Variants in VPS13B observed in about 807,000 individuals in gnomAD.
VPS13B encodes vacuolar protein sorting 13 homolog B.
Under a neutral mutation model 426.4 loss-of-function variants are expected in VPS13B, and 285 were observed. The observed-to-expected ratio is 0.67, with a 90% confidence interval of 0.61 to 0.74. VPS13B has a LOEUF of 0.74. VPS13B is among the 30% of genes least tolerant of loss of function. The probability of loss-of-function intolerance (pLI) is 0.00; values close to 1 mark genes in which losing one functional copy is unlikely to be tolerated. For missense variants in VPS13B, 4,537 were observed against 4,782.6 expected, an observed-to-expected ratio of 0.95 and a Z score of 1.51; for synonymous variants, 1,676 against 1,676.4, an observed-to-expected ratio of 1.00 and a Z score of 0.01.
chr8:99,735,858 G>A (rs1221728299), intron 39 of VPS13B, among the ~76,000 whole-genome samples: 1 of 152,098 alleles, frequency 6.6e-6, no homozygotes, highest in Non-Finnish European at 1.5e-5. Context: ...GGTGGAAAAC[G>A]CTGCGAATTT....
chr8:99,376,467 T>G (rs1172426318), intron 19 of VPS13B, among the ~76,000 whole-genome samples: 5 of 152,214 alleles, frequency 3.3e-5, no homozygotes, highest in African/African-American at 1.2e-4. Context: ...GAGGTCGTTT[T>G]TGGTATAATG....
rs776139646 is a variant in VPS13B, at chr8:99,121,220, G to T, written c.981G>T (p.Gln327His). Reference sequence around the variant, plus strand: ...GAATAGATATGCAATATCCTGCTCAGCATAAAGGTCAAGAGTTATATTCAC... The same window carrying T: ...GAATAGATATGCAATATCCTGCTCATCATAAAGGTCAAGAGTTATATTCAC... The part of the protein sequence containing the change: ...ETRIDMQYPA[Q>H]HKGQELYSQQ... The change falls in exon 8 of 62, where the codon CAG becomes CAT. Residue 327 changes from glutamine to histidine, a missense_variant. By Grantham distance (24) the Gln-to-His change is conservative (BLOSUM62 0). Transcript: ENST00000357162. 1 of 1,614,018 alleles carries T rather than the reference G, an allele frequency of 6.2e-7. No individual in the cohort carries two copies. Among genetic ancestry groups the T allele is most frequent in the Non-Finnish European group, 8.5e-7 (1 of 1,179,968 alleles).
intron 3 of VPS13B, among the ~76,000 whole-genome samples, chr8:99,044,650 C>T (rs1843126156): frequency 6.6e-6 from 1 of 151,972 alleles, no homozygotes; most frequent in Admixed American, 6.6e-5. Context: ...TTACCTCTTT[C>T]CCCCAAGTCC....
chr8:99,368,489 A>G (rs933020834), intron 19 of VPS13B, among the ~76,000 whole-genome samples: 1 of 152,152 alleles, frequency 6.6e-6, no homozygotes, highest in African/African-American at 2.4e-5. Flanking sequence ...TGATTGTACC[A>G]TTGTATCCTC....
chr8:99,278,576 T>C, intron 19 of VPS13B, among the ~76,000 whole-genome samples: 1 of 152,174 alleles, frequency 6.6e-6, no homozygotes, highest in East Asian at 1.9e-4. Flanking sequence ...AGCAAGTCAG[T>C]CTTTGAACTA....
At chr8:99,122,388 G>T (rs1847991867) in intron 8 of VPS13B, among the ~76,000 whole-genome samples, 1 of 151,864 alleles carries the variant, frequency 6.6e-6, no homozygotes, top group African/African-American at 2.4e-5. Flanking sequence ...CTAGGTTAAA[G>T]AATAATAAAG....
intron 21 of VPS13B, among the ~76,000 whole-genome samples, chr8:99,393,919 T>TA (rs552546283): frequency 1.3e-4 from 20 of 152,148 alleles, no homozygotes; most frequent in Admixed American, 2.6e-4. Context: ...TATGATTTCT[T>TA]AGAGTGAGTA....
intron 20 of VPS13B, 141 bp from the exon 21 acceptor site, chr8:99,391,416 G>T (rs1814441422): frequency 3.8e-6 from 5 of 1,304,688 alleles, no homozygotes; most frequent in Non-Finnish European, 5.3e-6. Context: ...GAGGGAGGGA[G>T]AGATTGATTG....
chr8:99,609,524 A>T (rs1193205571), intron 33 of VPS13B, among the ~76,000 whole-genome samples: 1 of 152,112 alleles, frequency 6.6e-6, no homozygotes, highest in Non-Finnish European at 1.5e-5. Context: ...AATTTGGAGG[A>T]ACTGTAGTTT....
intron 19 of VPS13B, among the ~76,000 whole-genome samples, chr8:99,306,063 C>T (rs747243575): frequency 3.9e-5 from 6 of 152,002 alleles, no homozygotes; most frequent in South Asian, 2.1e-4. Flanking sequence ...TTATGTTTGG[C>T]GCATTGGTTG....
chr8:99,146,557 T>C (rs1810737079), intron 13 of VPS13B, among the ~76,000 whole-genome samples: 1 of 152,204 alleles, frequency 6.6e-6, no homozygotes, highest in Non-Finnish European at 1.5e-5. Flanking sequence ...TCTAATGGAA[T>C]ATTGGGTTGG....
intron 12 of VPS13B, among the ~76,000 whole-genome samples, chr8:99,137,836 T>C (rs920208989): frequency 6.6e-6 from 1 of 152,224 alleles, no homozygotes; most frequent in African/African-American, 2.4e-5. Flanking sequence ...ATCCAATGCA[T>C]ACTTGACGTT....
intron 33 of VPS13B, among the ~76,000 whole-genome samples, chr8:99,607,080 T>G (rs1328270649): frequency 6.6e-6 from 1 of 152,170 alleles, no homozygotes; most frequent in Admixed American, 6.5e-5. Context: ...CAACAAACCT[T>G]CAATTTGTAA....
chr8:99,091,047 A>T (rs937964063), intron 3 of VPS13B, among the ~76,000 whole-genome samples: 2 of 152,090 alleles, frequency 1.3e-5, no homozygotes, highest in African/African-American at 2.4e-5. Context: ...TTTTCATAAC[A>T]TGTTTTGCAA....
intron 3 of VPS13B, among the ~76,000 whole-genome samples, chr8:99,093,357 T>A (rs1191612603): frequency 6.6e-6 from 1 of 150,696 alleles, no homozygotes; most frequent in Non-Finnish European, 1.5e-5. Flanking sequence ...ATTTGGAAAT[T>A]TTTTTTTTTA....
intron 17 of VPS13B, among the ~76,000 whole-genome samples, chr8:99,204,663 GAAAA>G (rs912790834): frequency 6.7e-6 from 1 of 149,272 alleles, no homozygotes; most frequent in Non-Finnish European, 1.5e-5. Flanking sequence ...ACATTTACAA[GAAAA>G]AAAAACCCTA....
Position 99,871,558 on chromosome 8 carries a change from T to C in VPS13B, c.11606T>C (p.Val3869Ala). ...GGGTGCTTGCTGCTGACATCAGAAGTGCTCTTCGTGGTGAGTGTCAGTGAG... is the reference window on the plus strand; with the variant it reads ...GGGTGCTTGCTGCTGACATCAGAAGCGCTCTTCGTGGTGAGTGTCAGTGAG... ...HEGCLLLTSE[V>A]LFVVSVSEDT... Residue 3869 changes from valine (V) to alanine (A), a missense_variant, in exon 61 of 62, where the codon GTG becomes GCG. By Grantham distance (64) the Val-to-Ala change is moderately conservative. Around this residue, in one of 2 missense-constraint regions of VPS13B, gnomAD observed 4,311 missense variants for 4,474.3 expected, o/e 0.96. Coordinates refer to ENST00000357162, the MANE Select transcript of VPS13B (RefSeq NM_152564.5). 2 of 1,614,186 alleles carry C rather than the reference T, an allele frequency of 1.2e-6. No individual in the cohort carries two copies. Among genetic ancestry groups the C allele is most frequent in the Non-Finnish European group, 1.7e-6 (2 of 1,180,034 alleles).
chr8:99,095,168 A>G (rs1846354776), intron 3 of VPS13B, among the ~76,000 whole-genome samples: 1 of 152,148 alleles, frequency 6.6e-6, no homozygotes, highest in Admixed American at 6.6e-5. Flanking sequence ...TCACCTTTCT[A>G]ATAGGTTAGT....
intron 17 of VPS13B, chr8:99,233,562 A>G (rs1477275912): frequency 3.5e-6 from 4 of 1,136,348 alleles, no homozygotes; most frequent in Non-Finnish European, 5.4e-6. Flanking sequence ...TGGAGAAAGT[A>G]TCTGGAGTGG....
Sources: allele counts gnomAD v4.1 joint callset (sites outside exome capture counted in the v4.1 genomes callset), GRCh38; gene constraint gnomAD v4.1.1; regional missense constraint gnomAD v4.1.1; transcripts MANE v1.5; gene names NCBI Gene and HGNC (gene_info 2026-07-23, HGNC 2026-07-21).